The following RAPGEF5 variants were observed in gnomAD, a reference collection of about 807,000 sequenced individuals.
RAPGEF5 encodes the protein Rap guanine nucleotide exchange factor 5.
RAPGEF5 carries 65 observed loss-of-function variants against 125.2 expected under a neutral mutation model. The ratio of observed to expected loss-of-function variants is 0.52; its 90% CI spans 0.43 to 0.64. The LOEUF is 0.64. RAPGEF5 is among the 30% of genes least tolerant of loss of function. The pLI is 0.00. For synonymous variants in RAPGEF5, 391 were observed against 385.9 expected (o/e 1.01, Z -0.16); for missense variants, 958 against 1,048.1 (o/e 0.91, Z 1.19).
chr7:22,322,772 A>T (rs186077588), intron 1 of RAPGEF5, among the ~76,000 whole-genome samples: 170 of 152,242 alleles, frequency 1.1e-3, no homozygotes, highest in Non-Finnish European at 1.7e-3. Flanking sequence ...GGTACTAAGG[A>T]CCCACCCCAA....
At chr7:22,295,816 T>C (rs2128148794) in intron 5 of RAPGEF5, among the ~76,000 whole-genome samples, 1 of 151,814 alleles carries the variant, frequency 6.6e-6, no homozygotes, top group East Asian at 1.9e-4. Context: ...TCTCCAAGTG[T>C]CATGAGGATC....
chr7:22,248,927 T>C (rs1786548876), intron 7 of RAPGEF5, among the ~76,000 whole-genome samples: 1 of 152,218 alleles, frequency 6.6e-6, no homozygotes, highest in South Asian at 2.1e-4. Context: ...CTACCATCTA[T>C]TCCTAAGCCT....
chr7:22,152,395 A>G (rs1783657196), intron 17 of RAPGEF5, among the ~76,000 whole-genome samples: 1 of 152,210 alleles, frequency 6.6e-6, no homozygotes, highest in African/African-American at 2.4e-5. Context: ...AGAGCCATTT[A>G]TACTTTATAG....
intron 11 of RAPGEF5, among the ~76,000 whole-genome samples, chr7:22,183,976 C>A (rs956659850): frequency 1.3e-5 from 2 of 152,172 alleles, no homozygotes; most frequent in African/African-American, 2.4e-5. Flanking sequence ...ATCTTCAGAT[C>A]CTCCTGAAAT....
intron 7 of RAPGEF5, among the ~76,000 whole-genome samples, chr7:22,234,783 T>C (rs181631565): frequency 1.6e-3 from 242 of 152,162 alleles, no homozygotes; most frequent in African/African-American, 4.6e-3. Flanking sequence ...AAACAGGTTT[T>C]CTCTCCCCAG....
At position 22,280,972 on chromosome 7, in the gene RAPGEF5, T is replaced by C. The variant is rs536199177; in HGVS notation, c.747+10203A>G. On this transcript the variant is annotated intron_variant, in intron 6 of 25. Coordinates refer to ENST00000665637, the MANE Select transcript of RAPGEF5 (RefSeq NM_012294.5). ...TGAAGAAGAAAAAAAGAATATTGCC[T>C]GAAAATATACTTCTGACTTTAAGAG... is the stretch of plus-strand genomic sequence containing the variant. 6.6e-5 allele frequency among the ~76,000 whole-genome samples: 10 copies of C among 152,348 alleles called. No individual in the cohort carries two copies. In the South Asian group the frequency reaches 2.1e-3, roughly 32 times the overall value.
chr7:22,241,934 C>T (rs750682999), intron 7 of RAPGEF5, among the ~76,000 whole-genome samples: 12 of 152,120 alleles, frequency 7.9e-5, no homozygotes, highest in Admixed American at 5.9e-4. Context: ...CTCTTTAAGT[C>T]CCAGATCTTG....
At position 22,231,712 on chromosome 7, in the gene RAPGEF5, T is replaced by A. The variant is rs142500674; in HGVS notation, c.797-793A>T. ...ATTTTACATAACTGGGATCCACACA[T>A]AATGACTGGATTACTTTTCTCTTTA... On this transcript the variant is annotated intron_variant, in intron 7 of 25. Transcript: ENST00000665637. 4.9e-4 allele frequency among the ~76,000 whole-genome samples: 74 copies of A among 152,278 alleles called. No homozygotes were observed. In the East Asian group the frequency reaches 0.013, roughly 27 times the overall value.
chr7:22,225,537 C>A (rs1345870326), intron 8 of RAPGEF5, among the ~76,000 whole-genome samples: 2 of 152,200 alleles, frequency 1.3e-5, no homozygotes, highest in Non-Finnish European at 2.9e-5. Context: ...CAGTGCTATG[C>A]GGAAGCATCA....
intron 1 of RAPGEF5, among the ~76,000 whole-genome samples, chr7:22,329,906 C>A (rs1036109696): frequency 2.4e-4 from 36 of 152,328 alleles, no homozygotes; most frequent in African/African-American, 8.4e-4. Context: ...CGCTCCCACA[C>A]ACAGCTGCAT....
chr7:22,187,189 A>G (rs533753796), intron 11 of RAPGEF5, among the ~76,000 whole-genome samples: 1 of 152,252 alleles, frequency 6.6e-6, no homozygotes, highest in South Asian at 2.1e-4. Context: ...TTTGGAGGTC[A>G]TCTACACCAA....
chr7:22,146,748 A>G (rs1310695300), intron 19 of RAPGEF5, 149 bp downstream of exon 19: 1 of 1,012,210 alleles, frequency 9.9e-7, no homozygotes, highest in Non-Finnish European at 1.4e-6. Context: ...TTTAGAATTG[A>G]GTCAGTCTTT....
chr7:22,352,554 TA>T (rs930325109), intron 1 of RAPGEF5, among the ~76,000 whole-genome samples: 1 of 152,156 alleles, frequency 6.6e-6, no homozygotes, highest in Non-Finnish European at 1.5e-5. Flanking sequence ...ACTGGCCATT[TA>T]AAAAGTATAC....
chr7:22,142,779 G>A (rs1186400162), intron 20 of RAPGEF5, among the ~76,000 whole-genome samples: 1 of 152,272 alleles, frequency 6.6e-6, no homozygotes, highest in African/African-American at 2.4e-5. Flanking sequence ...AGAGGTGGGG[G>A]ATGGGGATGG....
chr7:22,256,929 G>C (rs967619744), intron 7 of RAPGEF5, among the ~76,000 whole-genome samples: 2 of 152,116 alleles, frequency 1.3e-5, no homozygotes, highest in Non-Finnish European at 2.9e-5. Flanking sequence ...ACTGTTCAAA[G>C]GCACATCCTA....
chr7:22,216,589 T>G (rs943356031), intron 9 of RAPGEF5, among the ~76,000 whole-genome samples: 1 of 152,198 alleles, frequency 6.6e-6, no homozygotes, highest in African/African-American at 2.4e-5. Flanking sequence ...GGAAATACAA[T>G]GCCTACATCA....
At chr7:22,251,306 GTGCAAAC>G (rs1786613530) in intron 7 of RAPGEF5, among the ~76,000 whole-genome samples, 1 of 99,576 alleles carries the variant, frequency 1.0e-5, no homozygotes, top group Non-Finnish European at 2.1e-5. Context: ...GTACCCTCCA[GTGCAAAC>G]CTTTATTTAC....
intron 7 of RAPGEF5, among the ~76,000 whole-genome samples, chr7:22,246,245 TAAA>T (rs879623610): frequency 2.0e-5 from 3 of 151,876 alleles, no homozygotes; most frequent in African/African-American, 7.3e-5. Flanking sequence ...TCATATGGAA[TAAA>T]AAAAGAGCCC....
In RAPGEF5 at chr7:22,157,749, T is replaced by C. The variant is rs1479432046; in HGVS notation, c.1557+106A>G. 3.1e-6 allele frequency: 4 copies of C among 1,286,650 alleles called. No individual in the cohort carries two copies. The Admixed American group carries it at 7.4e-5, about 24-fold the overall frequency. 79.7% of individuals were successfully genotyped at this position (1,286,650 alleles called of 1,614,324 possible). A position where few individuals can be genotyped will look rare whatever the true frequency, so the allele number is the denominator to read the frequency against. ...GCCCCAGGCGCCCCGCCTTGTCGTGTTCTGCTCGAGGCAGTATTCATTTTA... is the reference window on the plus strand; with the variant it reads ...GCCCCAGGCGCCCCGCCTTGTCGTGCTCTGCTCGAGGCAGTATTCATTTTA... On this transcript the variant is annotated intron_variant, in intron 15 of 25. Transcript: ENST00000665637.
Sources: allele counts gnomAD v4.1 joint callset (sites outside exome capture counted in the v4.1 genomes callset), GRCh38; gene constraint gnomAD v4.1.1; transcripts MANE v1.5; gene names NCBI Gene and HGNC (gene_info 2026-07-23, HGNC 2026-07-21).